TBC1D12: variants seen among roughly 807,000 people sequenced by gnomAD.
TBC1D12 encodes TBC1 domain family member 12.
TBC1D12 carries 56 observed loss-of-function variants against 86.7 expected under a neutral mutation model. The observed-to-expected ratio is 0.65, with a 90% CI of 0.52 to 0.81. The LOEUF (loss-of-function observed/expected upper bound fraction) is 0.81. Among genes scored for constraint, TBC1D12 ranks in the 30% least tolerant of loss-of-function variants. TBC1D12 has a pLI of 0.00. For synonymous variants in TBC1D12, 421 were observed against 411.7 expected (o/e 1.02, Z -0.27); for missense variants, 1,023 against 1,038.8 (o/e 0.98, Z 0.21).
At chr10:94,472,095 A>C (rs563294988) in intron 2 of TBC1D12, among the ~76,000 whole-genome samples, 1 of 152,232 alleles carries the variant, frequency 6.6e-6, no homozygotes, top group South Asian at 2.1e-4. Flanking sequence ...GAATGATTTT[A>C]TGAATCTCAT....
chr10:94,408,240 A>G (rs2054883078), intron 1 of TBC1D12, among the ~76,000 whole-genome samples: 1 of 152,174 alleles, frequency 6.6e-6, no homozygotes, highest in Non-Finnish European at 1.5e-5. Context: ...TTGCTAAGGT[A>G]GGGAAGGAAT....
intron 2 of TBC1D12, among the ~76,000 whole-genome samples, chr10:94,466,967 T>C (rs1383003364): frequency 6.6e-6 from 1 of 152,196 alleles, no homozygotes; most frequent in African/African-American, 2.4e-5. Context: ...ACTGGTCTAT[T>C]ATTTTCTAGA....
At chr10:94,491,562 C>T (rs2056245560) in intron 3 of TBC1D12, among the ~76,000 whole-genome samples, 1 of 152,200 alleles carries the variant, frequency 6.6e-6, no homozygotes, top group Non-Finnish European at 1.5e-5. Flanking sequence ...TACCTGTACT[C>T]AGCTGTGGTT....
At chr10:94,473,360 CA>C (rs879859281) in intron 2 of TBC1D12, among the ~76,000 whole-genome samples, 786 of 78,358 alleles carry the variant, frequency 0.01, 5 homozygotes, top group African/African-American at 0.03. Context: ...AACTCCATCT[CA>C]AAAAAAAAAA....
intron 2 of TBC1D12, among the ~76,000 whole-genome samples, chr10:94,469,225 G>A (rs554140496): frequency 3.6e-4 from 55 of 152,202 alleles, no homozygotes; most frequent in African/African-American, 1.3e-3. Context: ...TGAATGTTTT[G>A]TGTATTCCCA....
intron 2 of TBC1D12, among the ~76,000 whole-genome samples, chr10:94,454,600 C>T (rs754812124): frequency 1.3e-5 from 2 of 152,192 alleles, no homozygotes; most frequent in African/African-American, 2.4e-5. Context: ...TTTCCTCATA[C>T]GGATCTTGCA....
chr10:94,526,731 A>G (rs1043493634), intron 11 of TBC1D12, among the ~76,000 whole-genome samples: 4 of 152,240 alleles, frequency 2.6e-5, no homozygotes, highest in Admixed American at 6.5e-5. Flanking sequence ...ACTGATTTCA[A>G]TTCCTTTGGG....
intron 3 of TBC1D12, among the ~76,000 whole-genome samples, chr10:94,481,535 T>C (rs562375428): frequency 1.3e-5 from 2 of 152,368 alleles, no homozygotes; most frequent in African/African-American, 4.8e-5. Flanking sequence ...CTTCTGTAAC[T>C]TCTTCACTTC....
chr10:94,456,588 A>G (rs1380384702), intron 2 of TBC1D12, among the ~76,000 whole-genome samples: 1 of 152,188 alleles, frequency 6.6e-6, no homozygotes. Flanking sequence ...ATGACCTAGA[A>G]TGTAGTCTGT....
intron 1 of TBC1D12, among the ~76,000 whole-genome samples, chr10:94,433,458 A>T (rs936841689): frequency 6.6e-6 from 1 of 152,166 alleles, no homozygotes. Flanking sequence ...TCAAAGATTT[A>T]TGTATATTTA....
chr10:94,462,542 T>C (rs796753049), intron 2 of TBC1D12, among the ~76,000 whole-genome samples: 2 of 152,334 alleles, frequency 1.3e-5, no homozygotes, highest in African/African-American at 4.8e-5. Context: ...TTTTTTGTTG[T>C]TGAGCATATT....
intron 12 of TBC1D12, among the ~76,000 whole-genome samples, chr10:94,531,684 TTTATGTTATTTTATG>T (rs1564996583): frequency 5.4e-5 from 7 of 130,444 alleles, no homozygotes; most frequent in Non-Finnish European, 9.9e-5. Flanking sequence ...TTTATTTTAT[TTTATGTTATTTTATG>T]TTATGTTATT....
At chr10:94,510,310 A>G in intron 8 of TBC1D12, 131 bp downstream of exon 8, 1 of 547,388 alleles carries the variant, frequency 1.8e-6, no homozygotes, top group East Asian at 3.3e-5. Flanking sequence ...CTGTATAAAA[A>G]GTGTAAAACT....
intron 1 of TBC1D12, among the ~76,000 whole-genome samples, chr10:94,435,728 T>G (rs1190476001): frequency 6.6e-6 from 1 of 152,210 alleles, no homozygotes; most frequent in Non-Finnish European, 1.5e-5. Flanking sequence ...AATTAATGCT[T>G]TTGGGACTGA....
At chr10:94,410,664 A>T (rs900561391) in intron 1 of TBC1D12, among the ~76,000 whole-genome samples, 7 of 152,192 alleles carry the variant, frequency 4.6e-5, no homozygotes, top group Non-Finnish European at 8.8e-5. Context: ...TTACAACTAG[A>T]CTGTAGATCT....
chr10:94,479,832 C>G (rs1482223974), intron 3 of TBC1D12, among the ~76,000 whole-genome samples: 1 of 152,072 alleles, frequency 6.6e-6, no homozygotes, highest in African/African-American at 2.4e-5. Flanking sequence ...CAAATAGTAG[C>G]CTAAATATGC....
intron 2 of TBC1D12, among the ~76,000 whole-genome samples, chr10:94,466,128 T>G (rs2055820146): frequency 6.6e-6 from 1 of 151,946 alleles, no homozygotes; most frequent in South Asian, 2.1e-4. Context: ...TATAGTTGGG[T>G]CTTAGTTTTG....
intron 6 of TBC1D12, among the ~76,000 whole-genome samples, chr10:94,506,497 G>T (rs1432267357): frequency 6.6e-6 from 1 of 152,138 alleles, no homozygotes; most frequent in East Asian, 1.9e-4. Flanking sequence ...TCCCTGAAAT[G>T]TCCTATTTTT....
chr10:94,506,225 G>T (rs1008466648), intron 6 of TBC1D12, among the ~76,000 whole-genome samples: 2 of 151,886 alleles, frequency 1.3e-5, no homozygotes, highest in Non-Finnish European at 2.9e-5. Flanking sequence ...TTTTAGTAGA[G>T]ACAAGGTTTC....
Sources: allele counts gnomAD v4.1 joint callset (sites outside exome capture counted in the v4.1 genomes callset), GRCh38; gene constraint gnomAD v4.1.1; transcripts MANE v1.5; gene names NCBI Gene and HGNC (gene_info 2026-07-23, HGNC 2026-07-21).